Variants in KCND2 observed in about 807,000 individuals in gnomAD.
The protein encoded by KCND2 is potassium voltage-gated channel subfamily D member 2, also known as A-type voltage-gated potassium channel KCND2.
In KCND2, 16 loss-of-function variants were observed where a neutral mutation model predicts 54.4. That is an observed-to-expected ratio of 0.29 (90% CI 0.20 to 0.45). The LOEUF is 0.45. Among genes scored for constraint, KCND2 ranks in the 20% least tolerant of loss-of-function variants. The pLI is 1.00. For synonymous variants in KCND2, 317 were observed against 310.7 expected (o/e 1.02, Z -0.21); for missense variants, 486 against 824.2 (o/e 0.59, Z 5.02).
intron 1 of KCND2, among the ~76,000 whole-genome samples, chr7:120,635,165 C>T (rs1793288429): frequency 6.6e-6 from 1 of 152,202 alleles, no homozygotes; most frequent in Admixed American, 6.5e-5. Context: ...GAGCTTGTCT[C>T]TCTTGTTCAC....
chr7:120,663,101 C>T (rs1295755062), intron 1 of KCND2, among the ~76,000 whole-genome samples: 1 of 152,136 alleles, frequency 6.6e-6, no homozygotes, highest in Non-Finnish European at 1.5e-5. Flanking sequence ...TGGAAGGGTA[C>T]ATTTGTACCA....
intron 1 of KCND2, among the ~76,000 whole-genome samples, chr7:120,460,295 A>G (rs1428940700): frequency 3.9e-5 from 6 of 152,202 alleles, no homozygotes; most frequent in African/African-American, 1.4e-4. Flanking sequence ...CTAAATTATT[A>G]TCCCCACATT....
intron 1 of KCND2, among the ~76,000 whole-genome samples, chr7:120,276,051 CAATG>C (rs1257488525): frequency 2.6e-5 from 4 of 151,748 alleles, no homozygotes; most frequent in African/African-American, 9.7e-5. Context: ...AAAAATATGA[CAATG>C]AAAAACAAAA....
chr7:120,398,806 A>G (rs1036188912), intron 1 of KCND2, among the ~76,000 whole-genome samples: 2 of 152,112 alleles, frequency 1.3e-5, no homozygotes, highest in Admixed American at 1.3e-4. Flanking sequence ...ATGTTTGTAC[A>G]AGGAAAGTAC....
intron 1 of KCND2, among the ~76,000 whole-genome samples, chr7:120,449,698 A>G (rs189336265): frequency 6.6e-6 from 1 of 152,210 alleles, no homozygotes; most frequent in Non-Finnish European, 1.5e-5. Flanking sequence ...CTTCCAGAGA[A>G]TTTCAGTTGA....
At chr7:120,518,978 C>T (rs1340930192) in intron 1 of KCND2, among the ~76,000 whole-genome samples, 1 of 152,000 alleles carries the variant, frequency 6.6e-6, no homozygotes, top group African/African-American at 2.4e-5. Context: ...TTGAAGCATA[C>T]GGAGGCCTAG....
chr7:120,619,289 A>G (rs1480426113), intron 1 of KCND2, among the ~76,000 whole-genome samples: 1 of 152,148 alleles, frequency 6.6e-6, no homozygotes, highest in Non-Finnish European at 1.5e-5. Flanking sequence ...AATTAGCGGG[A>G]CATGGTAGCA....
chr7:120,572,273 G>T (rs1792375551), intron 1 of KCND2, among the ~76,000 whole-genome samples: 1 of 151,452 alleles, frequency 6.6e-6, no homozygotes, highest in Non-Finnish European at 1.5e-5. Flanking sequence ...CTACATTAAT[G>T]TGAAAGAAGT....
intron 2 of KCND2, among the ~76,000 whole-genome samples, chr7:120,737,807 G>A (rs1004036714): frequency 1.5e-4 from 23 of 152,026 alleles, no homozygotes; most frequent in African/African-American, 5.3e-4. Context: ...AGGCATTTGA[G>A]GAATAAGGAA....
At chr7:120,541,955 T>A (rs1415844090) in intron 1 of KCND2, among the ~76,000 whole-genome samples, 1 of 152,220 alleles carries the variant, frequency 6.6e-6, no homozygotes, top group Non-Finnish European at 1.5e-5. Context: ...TTCTGAATGT[T>A]TACATTAAAC....
At chr7:120,536,407 G>T (rs1421213139) in intron 1 of KCND2, among the ~76,000 whole-genome samples, 1 of 152,060 alleles carries the variant, frequency 6.6e-6, no homozygotes, top group Non-Finnish European at 1.5e-5. Context: ...GAATAACGCA[G>T]CAATGAAATT....
intron 1 of KCND2, among the ~76,000 whole-genome samples, chr7:120,618,929 C>T (rs1268334518): frequency 6.6e-6 from 1 of 152,130 alleles, no homozygotes; most frequent in African/African-American, 2.4e-5. Flanking sequence ...CCACCCCAGC[C>T]TCCTGAGTAG....
intron 1 of KCND2, among the ~76,000 whole-genome samples, chr7:120,576,752 A>G (rs981263807): frequency 1.3e-5 from 2 of 152,180 alleles, no homozygotes; most frequent in African/African-American, 4.8e-5. Context: ...ATGATTACAG[A>G]CTGATAAAGA....
At chr7:120,305,958 C>G (rs1799647418) in intron 1 of KCND2, among the ~76,000 whole-genome samples, 1 of 152,140 alleles carries the variant, frequency 6.6e-6, no homozygotes, top group African/African-American at 2.4e-5. Flanking sequence ...TTCCTAACAT[C>G]TATGAGAATG....
At chr7:120,339,459 A>T (rs762038233) in intron 1 of KCND2, among the ~76,000 whole-genome samples, 3 of 151,996 alleles carry the variant, frequency 2.0e-5, no homozygotes, top group Non-Finnish European at 2.9e-5. Flanking sequence ...GTAGGCTGTC[A>T]TATTTCAATT....
intron 1 of KCND2, among the ~76,000 whole-genome samples, chr7:120,539,748 AT>A (rs1406058207): frequency 2.0e-5 from 3 of 152,128 alleles, no homozygotes; most frequent in Admixed American, 1.3e-4. Context: ...TTAGTTACCA[AT>A]TTTTTGTGGC....
intron 1 of KCND2, among the ~76,000 whole-genome samples, chr7:120,563,504 T>C (rs1471833871): frequency 6.6e-6 from 1 of 152,202 alleles, no homozygotes; most frequent in Non-Finnish European, 1.5e-5. Flanking sequence ...CTTTCAATTC[T>C]GCTCCGTCTC....
At position 120,614,291 on chromosome 7, in the gene KCND2, G is replaced by C. The variant is rs375149358; in HGVS notation, c.1116-118612G>C. Among the ~76,000 whole-genome samples the C allele has an allele frequency of 2.3e-3, 355 of 152,274 alleles. 1 individual carries two copies. The highest frequency in any genetic ancestry group is 4.3e-3 in the Non-Finnish European group (292 of 68,024). Reference sequence around the variant, plus strand: ...GCCTCTCAAAGTGCTGGGATTACAGGTATGAGCCACAGAGCCTGGCCTTTG... The same window carrying C: ...GCCTCTCAAAGTGCTGGGATTACAGCTATGAGCCACAGAGCCTGGCCTTTG... On this transcript the variant is annotated intron_variant, in intron 1 of 5. Coordinates refer to ENST00000331113, the MANE Select transcript of KCND2 (RefSeq NM_012281.3).
intron 1 of KCND2, among the ~76,000 whole-genome samples, chr7:120,675,881 A>AG (rs1410500539): frequency 7.1e-6 from 1 of 141,462 alleles, no homozygotes; most frequent in Non-Finnish European, 1.5e-5. Context: ...TTTTTGAGAC[A>AG]GAGTCTCGCC....
Sources: allele counts gnomAD v4.1 joint callset (sites outside exome capture counted in the v4.1 genomes callset), GRCh38; gene constraint gnomAD v4.1.1; transcripts MANE v1.5; gene names NCBI Gene and HGNC (gene_info 2026-07-23, HGNC 2026-07-21).